The following HELZ2 variants were observed in gnomAD, a reference collection of about 807,000 sequenced individuals.
The protein encoded by HELZ2 is helicase with zinc finger 2, also known as 3'-5' exoribonuclease HELZ2.
HELZ2 carries 143 observed loss-of-function variants against 208.8 expected under a neutral mutation model. That is an observed-to-expected ratio of 0.68 (90% CI 0.60 to 0.79). The LOEUF is 0.79. Ranked by LOEUF, HELZ2 falls within the 30% of genes least tolerant of loss-of-function variation. HELZ2 has a pLI of 0.00. For synonymous variants in HELZ2, 1,705 were observed against 1,693.7 expected (o/e 1.01, Z -0.16); for missense variants, 3,690 against 3,794.5 (o/e 0.97, Z 0.72).
exon 8 of HELZ2, chr20:63,564,499 C>T: frequency 1.9e-6 from 3 of 1,587,952 alleles, no homozygotes; most frequent in Non-Finnish European, 2.6e-6. Context: ...AGCGCAGGCT[C>T]TTCAGCTGGC....
exon 5 of HELZ2, chr20:63,568,753 C>T: frequency 6.2e-7 from 1 of 1,604,736 alleles, no homozygotes; most frequent in South Asian, 1.1e-5. Flanking sequence ...GCAGCAGCCA[C>T]AGCGCCTGCT....
exon 8 of HELZ2, chr20:63,562,726 G>A (rs1395226911): frequency 2.5e-6 from 4 of 1,601,612 alleles, no homozygotes; most frequent in African/African-American, 1.3e-5. Context: ...CAACATTCAG[G>A]CCAGGGCCGA....
intron 18 of HELZ2, 114 bp downstream of exon 19, chr20:63,559,814 T>C: frequency 2.1e-6 from 2 of 975,288 alleles, no homozygotes; most frequent in Non-Finnish European, 3.1e-6. Context: ...CAGGGTCAGG[T>C]GGGAGGAGTC....
exon 14 of HELZ2, chr20:63,561,127 T>A: frequency 3.1e-6 from 5 of 1,612,962 alleles, no homozygotes; most frequent in Non-Finnish European, 4.2e-6. Flanking sequence ...GGGTTTCAGG[T>A]TCCGTGGCCA....
rs1354428004 is a variant in HELZ2 at position 63,565,816 on chromosome 20, A to G, written c.3006T>C (p.Asp1002=). ...CACGGGATGCTGGGCTCAGAGCCTC[A>G]TCTCCCGGCTCTGCCTTCACCATGG... Residue 1002 remains aspartate (D), a synonymous_variant, in exon 8 of 19, where the codon GAT becomes GAC. Transcript: ENST00000467148. 3.8e-6 allele frequency: 6 copies of G among 1,599,196 alleles called. No individual in the cohort carries two copies. The Admixed American group carries it at 1.0e-4, about 27-fold the overall frequency.
At chr20:63,567,662 TG>T in intron 5 of HELZ2, 35 bp from the exon 7 acceptor site, 1 of 1,578,164 alleles carries the variant, frequency 6.3e-7, no homozygotes. Flanking sequence ...GGCTTCTTGC[TG>T]GGGGCCTCAG....
chr20:63,561,978 C>T (rs2082892801), exon 11 of HELZ2: 1 of 1,593,842 alleles, frequency 6.3e-7, no homozygotes, highest in Non-Finnish European at 8.6e-7. Flanking sequence ...GATCGTCTTC[C>T]CTGTACCTGC....
upstream of HELZ2, chr20:63,572,538 C>G (rs2083025795): frequency 1.2e-6 from 1 of 823,058 alleles, no homozygotes; most frequent in Non-Finnish European, 1.8e-6. Context: ...TCGGCGCTCA[C>G]GTGGGCCAGG....
chr20:63,571,330 G>C (rs79941752), intron 1 of HELZ2: 3 of 28,804 alleles, frequency 1.0e-4, no homozygotes, highest in Admixed American at 4.0e-4. Context: ...GCTCCTGGGA[G>C]CCTCTGGCTC....
rs2082893086 is a variant in HELZ2, at chr20:63,561,992, C to G, written c.6530-8G>C. 1 of 1,592,474 alleles carries G rather than the reference C, an allele frequency of 6.3e-7. No homozygotes were observed. Among genetic ancestry groups the G allele is most frequent in the African/African-American group, 1.3e-5 (1 of 74,256 alleles). On this transcript the variant is annotated splice_region_variant and splice_polypyrimidine_tract_variant and intron_variant, in intron 10 of 18. Coordinates refer to ENST00000467148, the Ensembl canonical transcript of HELZ2. ...CGATCGTCTTCCCTGTACCTGCAGC[C>G]AGAGAATAGGAGATTGTAGCCCACC...
downstream of HELZ2, chr20:63,559,014 T>C: frequency 2.1e-6 from 1 of 480,300 alleles, no homozygotes; most frequent in South Asian, 3.0e-5. Context: ...AGGAAGCCCC[T>C]CTTGGCCACC....
intron 3 of HELZ2, 148 bp downstream of exon 4, chr20:63,570,356 G>A (rs946772816): frequency 6.8e-6 from 5 of 732,950 alleles, no homozygotes; most frequent in South Asian, 1.5e-5. Context: ...GAGGCAGAGA[G>A]GCTAAGGGAC....
exon 8 of HELZ2, chr20:63,563,519 G>A (rs1170361587): frequency 6.6e-7 from 1 of 1,513,298 alleles, no homozygotes; most frequent in East Asian, 2.4e-5. Flanking sequence ...GACGGGGCAG[G>A]GGTCAGGCAG....
exon 18 of HELZ2, chr20:63,559,983 G>A (rs563615128): frequency 1.2e-6 from 2 of 1,612,242 alleles, no homozygotes; most frequent in South Asian, 2.2e-5. Context: ...CTTGGTTGGG[G>A]TCCACAACGA....
At chr20:63,561,570 T>A (rs998778476) in intron 12 of HELZ2, 31 bp downstream of exon 13, 3 of 1,585,154 alleles carry the variant, frequency 1.9e-6, no homozygotes, top group African/African-American at 2.7e-5. Context: ...TCGGCCCCAC[T>A]CCGCCCAAGC....
chr20:63,558,935 C>T (rs1013627825), downstream of HELZ2: 12 of 272,550 alleles, frequency 4.4e-5, no homozygotes, highest in Non-Finnish European at 7.7e-5. Context: ...CAAAGGGCAG[C>T]CTCCACAGGG....
In HELZ2 at chr20:63,562,953, C is replaced by T. The variant is rs530022156; in HGVS notation, c.5869G>A (p.Ala1957Thr). ...GTGACGGAGTCATTCTCGGCAACCG[C>T]GCCGGTGGCCGACTCCAGGGCGCAG... Residue 1957 changes from alanine (A) to threonine (T), a missense_variant, in exon 8 of 19, where the codon GCG becomes ACG. Transcript: ENST00000467148. The T allele has an allele frequency of 5.0e-5, 79 of 1,589,526 alleles. No homozygotes were observed. Among genetic ancestry groups the T allele is most frequent in the South Asian group, 2.6e-4 (23 of 88,366 alleles).
chr20:63,567,059 C>G (rs746146661), exon 6 of HELZ2: 106 of 1,611,986 alleles, frequency 6.6e-5, no homozygotes, highest in Non-Finnish European at 8.6e-5. Context: ...TTGCCCCTGG[C>G]GTGGATGGGG....
exon 8 of HELZ2, chr20:63,565,905 T>A: frequency 6.3e-7 from 1 of 1,597,082 alleles, no homozygotes; most frequent in East Asian, 2.2e-5. Flanking sequence ...GCCTCCCAGT[T>A]CCCCGCTGCC....
Sources: allele counts gnomAD v4.1 joint callset, GRCh38; gene constraint gnomAD v4.1.1; transcripts MANE v1.5; gene names NCBI Gene and HGNC (gene_info 2026-07-23, HGNC 2026-07-21).